SHQ1: variants seen among roughly 807,000 people sequenced by gnomAD.
SHQ1 encodes the protein protein SHQ1 homolog.
SHQ1 carries 49 observed loss-of-function variants against 53.8 expected under a neutral mutation model. The ratio of observed to expected loss-of-function variants is 0.91; its 90% CI spans 0.72 to 1.16. SHQ1 has a LOEUF of 1.16. Ranked by LOEUF, SHQ1 falls within the 50% of genes most tolerant of loss-of-function variation. The pLI, the probability that SHQ1 is intolerant of heterozygous loss-of-function variation, is 0.00. For missense variants in SHQ1, 738 were observed against 683.1 expected (o/e 1.08, Z -0.90); for synonymous variants, 243 against 251.0 (o/e 0.97, Z 0.30).
chr3:72,745,366 C>A (rs1705240768), downstream of SHQ1, among the ~76,000 whole-genome samples: 1 of 152,072 alleles, frequency 6.6e-6, no homozygotes, highest in Admixed American at 6.6e-5. Context: ...AAGGTGATAC[C>A]AGCTTAGTTA....
chr3:72,793,769 C>T (rs1706517806), intron 9 of SHQ1: 1 of 152,122 alleles, frequency 6.6e-6, no homozygotes, highest in Non-Finnish European at 1.5e-5. Context: ...CATTTTCTGT[C>T]AAGGAGTTAT....
At chr3:72,749,124 A>G (rs1705313803), downstream of SHQ1, among the ~76,000 whole-genome samples, 1 of 152,244 alleles carries the variant, frequency 6.6e-6, no homozygotes, top group Admixed American at 6.5e-5. Context: ...CGCATAAACT[A>G]TCACTTTTGG....
chr3:72,779,914 C>T (rs948322982), intron 10 of SHQ1, among the ~76,000 whole-genome samples: 5 of 152,126 alleles, frequency 3.3e-5, no homozygotes, highest in African/African-American at 4.8e-5. Flanking sequence ...TTCACACAAA[C>T]CTGGAGCAAG....
chr3:72,829,181 G>A (rs1707757074), intron 5 of SHQ1, among the ~76,000 whole-genome samples: 1 of 152,308 alleles, frequency 6.6e-6, no homozygotes, highest in South Asian at 2.1e-4. Context: ...CATCAATCAA[G>A]TTAGAAAATT....
intron 4 of SHQ1, among the ~76,000 whole-genome samples, chr3:72,833,516 A>G (rs1559696409): frequency 7.0e-6 from 1 of 143,118 alleles, no homozygotes; most frequent in African/African-American, 2.6e-5. Context: ...ACAGACAGAC[A>G]GATAGATGGA....
At chr3:72,827,550 A>C (rs1255050957) in intron 5 of SHQ1, among the ~76,000 whole-genome samples, 1 of 151,954 alleles carries the variant, frequency 6.6e-6, no homozygotes, top group Non-Finnish European at 1.5e-5. Flanking sequence ...CCCACCAAAA[A>C]CACCTCCAAA....
At chr3:72,776,786 A>G (rs1224882272) in intron 10 of SHQ1, among the ~76,000 whole-genome samples, 1 of 152,186 alleles carries the variant, frequency 6.6e-6, no homozygotes, top group African/African-American at 2.4e-5. Flanking sequence ...AATGTTTTTC[A>G]TGGAACTTGA....
At chr3:72,772,847 T>G in intron 10 of SHQ1, 1 of 772,518 alleles carries the variant, frequency 1.3e-6, no homozygotes, top group South Asian at 1.4e-5. Context: ...ATATCTAAAG[T>G]TGCCCCATCA....
chr3:72,750,618 C>G lies in SHQ1; in HGVS notation c.1400G>C (p.Gly467Ala), dbSNP rs1705345962. The change falls in exon 11 of 11, where the codon GGA becomes GCA. Residue 467 changes from glycine (G) to alanine (A), a missense_variant. Gly to Ala is a moderately conservative substitution (Grantham distance 60). Transcript: ENST00000325599. ...SEDSDSSVSS[G>A]NEDSGSDSEQ... ...TGAATCTGAGCCTGAGTCTTCGTTTCCAGATGACACGCTGCTGTCTGAGTC... is the reference window on the plus strand; with the variant it reads ...TGAATCTGAGCCTGAGTCTTCGTTTGCAGATGACACGCTGCTGTCTGAGTC... 10 of 1,614,074 alleles carry G rather than the reference C, an allele frequency of 6.2e-6. No homozygotes were observed. Among genetic ancestry groups the G allele is most frequent in the Non-Finnish European group, 8.5e-6 (10 of 1,180,036 alleles).
chr3:72,745,780 G>C (rs1156980552), downstream of SHQ1, among the ~76,000 whole-genome samples: 1 of 151,634 alleles, frequency 6.6e-6, no homozygotes, highest in Non-Finnish European at 1.5e-5. Flanking sequence ...AATAAAAGCA[G>C]TTCTATTTCC....
At chr3:72,728,787 G>A in the SHQ1 span, among the ~76,000 whole-genome samples, 1 of 152,218 alleles carries the variant, frequency 6.6e-6, no homozygotes, top group African/African-American at 2.4e-5. Context: ...ATCAGAAGGT[G>A]CCCTTTCAGT....
chr3:72,764,070 C>T (rs1046648915), intron 10 of SHQ1, among the ~76,000 whole-genome samples: 3 of 151,782 alleles, frequency 2.0e-5, no homozygotes, highest in Admixed American at 6.6e-5. Flanking sequence ...GTTTTCTTTG[C>T]GTAATAACAT....
intron 10 of SHQ1, chr3:72,753,270 G>A: frequency 1.0e-6 from 1 of 985,414 alleles, no homozygotes; most frequent in Non-Finnish European, 1.2e-6. Flanking sequence ...CTGGATGACG[G>A]TGAGTTTACA....
chr3:72,824,787 C>CTTTTT (rs36082106), intron 5 of SHQ1, among the ~76,000 whole-genome samples: 4 of 142,766 alleles, frequency 2.8e-5, no homozygotes, highest in African/African-American at 1.0e-4. Flanking sequence ...TTGCTGATCT[C>CTTTTT]TTTTTTTTTT....
rs753610044 is a variant in SHQ1 at position 72,817,327 on chromosome 3, A to C, written c.785T>G (p.Leu262Arg). 1.2e-6 allele frequency: 2 copies of C among 1,613,654 alleles called. No individual in the cohort carries two copies. The highest frequency in any genetic ancestry group is 4.5e-5 in the East Asian group (2 of 44,874). The change falls in exon 7 of 11, where the codon CTG becomes CGG. Residue 262 changes from leucine to arginine, a missense_variant. Coordinates refer to ENST00000325599, the MANE Select transcript of SHQ1 (RefSeq NM_018130.3). ...QLRKFVNKSY[L>R]LDKRACRQVC... ...TTGACGACAGGCTCTCTTGTCCAGC[A>C]GATAAGATTTATTGACAAATTTTCG...
chr3:72,755,258 G>GGATGGATA (rs1361010552), intron 10 of SHQ1, among the ~76,000 whole-genome samples: 4 of 149,388 alleles, frequency 2.7e-5, no homozygotes, highest in East Asian at 3.9e-4. Flanking sequence ...ATGGATGGAT[G>GGATGGATA]GATGGATAGA....
At chr3:72,830,034 A>T (rs1051191880) in intron 5 of SHQ1, among the ~76,000 whole-genome samples, 4 of 152,064 alleles carry the variant, frequency 2.6e-5, no homozygotes, top group Admixed American at 1.3e-4. Context: ...TACAAATAAG[A>T]AATGGATAAT....
chr3:72,848,050 G>T, intron 1 of SHQ1, 148 bp downstream of exon 1: 1 of 931,872 alleles, frequency 1.1e-6, no homozygotes, highest in Non-Finnish European at 1.7e-6. Context: ...CCTGGAAGAG[G>T]GCAGTTCCCT....
chr3:72,846,382 C>T, intron 1 of SHQ1: 1 of 1,371,932 alleles, frequency 7.3e-7, no homozygotes. Flanking sequence ...GCAACCTTCG[C>T]CCCCCAGGTT....
Sources: allele counts gnomAD v4.1 joint callset (sites outside exome capture counted in the v4.1 genomes callset), GRCh38; gene constraint gnomAD v4.1.1; transcripts MANE v1.5; gene names NCBI Gene and HGNC (gene_info 2026-07-23, HGNC 2026-07-21).